Variants in SPATA31D1 observed in about 807,000 individuals in gnomAD.
The protein encoded by SPATA31D1 is spermatogenesis-associated protein 31D1.
A neutral mutation model predicts 13.2 loss-of-function variants in SPATA31D1; 6 were observed. That is an observed-to-expected ratio of 0.46 (90% confidence interval 0.25 to 0.90). The LOEUF (loss-of-function observed/expected upper bound fraction) is 0.90, where lower values mean the gene tolerates loss of function less well. Ranked by LOEUF, SPATA31D1 falls within the 40% of genes least tolerant of loss-of-function variation. The pLI, the probability that SPATA31D1 is intolerant of heterozygous loss-of-function variation, is 0.18. For missense variants in SPATA31D1, 2,445 were observed against 1,884.7 expected, an observed-to-expected ratio of 1.30 and a Z score of -5.50; for synonymous variants, 903 against 718.8, an observed-to-expected ratio of 1.26 and a Z score of -4.10.
In SPATA31D1 at chr9:81,990,997, C is replaced by A. The variant is rs186106743; in HGVS notation, c.527C>A (p.Pro176His). The A allele has an allele frequency of 2.5e-5, 40 of 1,613,780 alleles. No individual in the cohort carries two copies. Among genetic ancestry groups the A allele is most frequent in the Middle Eastern group, 1.7e-4 (1 of 6,056 alleles). The stretch of plus-strand genomic sequence containing the variant: ...TCATCGTTCACTCTGGCTTCCACCC[C>A]CTCAGCAACCCCTCCAGAAGACCTA... ...TESSFTLAST[P>H]SATPPEDLIL... The change falls in exon 4 of 4, where the codon CCC (proline) becomes CAC (histidine). Residue 176 changes from proline (P) to histidine (H), a missense_variant. Pro to His is a moderately conservative substitution (Grantham distance 77, BLOSUM62 -2). Coordinates refer to ENST00000344803, the MANE Select transcript of SPATA31D1 (RefSeq NM_001001670.3).
Position 81,993,269 on chromosome 9 carries a change from G to T in SPATA31D1, c.2799G>T (p.Ala933=). ...LESIEIFKSK[A]DLSTSFSHFD... Reference sequence around the variant, plus strand: ...CCATAGAAATCTTCAAATCGAAAGCGGACCTTTCCACTTCCTTTTCCCATT... The same window carrying T: ...CCATAGAAATCTTCAAATCGAAAGCTGACCTTTCCACTTCCTTTTCCCATT... The change falls in exon 4 of 4, where the codon GCG becomes GCT. Residue 933 remains alanine (A), a synonymous_variant. Coordinates refer to ENST00000344803, the MANE Select transcript of SPATA31D1 (RefSeq NM_001001670.3). 1 of 1,613,970 alleles carries T rather than the reference G, an allele frequency of 6.2e-7. No homozygotes were observed. The highest frequency in any genetic ancestry group is 1.3e-5 in the African/African-American group (1 of 75,046).
rs375054168 is a variant in SPATA31D1 at position 81,995,068 on chromosome 9, G to A, written c.4598G>A (p.Arg1533His). ...PVPHPNPTCRRQVSLVCPAVP... is the reference protein window; with the variant it reads ...PVPHPNPTCRHQVSLVCPAVP... ...CCACATCCAAACCCCACTTGCCGGC[G>A]TCAGGTCAGCCTGGTGTGTCCAGCC... Residue 1533 changes from arginine to histidine, a missense_variant, in exon 4 of 4, where the codon CGT becomes CAT. Arg to His is a conservative substitution (Grantham distance 29). Coordinates refer to ENST00000344803, the MANE Select transcript of SPATA31D1 (RefSeq NM_001001670.3). 2.6e-5 allele frequency: 42 copies of A among 1,613,052 alleles called. No individual in the cohort carries two copies. Among genetic ancestry groups the A allele is most frequent in the Middle Eastern group, 1.6e-4 (1 of 6,082 alleles).
Position 81,992,433 on chromosome 9 carries a change from C to G in SPATA31D1, c.1963C>G (p.Pro655Ala), listed in dbSNP as rs142037367. ...CCAGGAAGACTTTTGTCCTCCAGCTCCCAATCCTGAATTGGTCAGAAAGTC... is the reference window on the plus strand; with the variant it reads ...CCAGGAAGACTTTTGTCCTCCAGCTGCCAATCCTGAATTGGTCAGAAAGTC... ...KSQEDFCPPAPNPELVRKSFK... is the reference protein window; with the variant it reads ...KSQEDFCPPAANPELVRKSFK... The change falls in exon 4 of 4, where the codon CCC becomes GCC. Residue 655 changes from proline (P) to alanine (A), a missense_variant. Pro to Ala is a conservative substitution (Grantham distance 27). Coordinates refer to ENST00000344803, the MANE Select transcript of SPATA31D1 (RefSeq NM_001001670.3). 1 of 1,612,902 alleles carries G rather than the reference C, an allele frequency of 6.2e-7. No homozygotes were observed. Among genetic ancestry groups the G allele is most frequent in the Non-Finnish European group, 8.5e-7 (1 of 1,179,720 alleles).
Position 81,994,911 on chromosome 9 carries a change from G to C in SPATA31D1, c.4441G>C (p.Val1481Leu). The C allele has an allele frequency of 6.2e-7, 1 of 1,613,994 alleles. No homozygotes were observed. The highest frequency in any genetic ancestry group is 8.5e-7 in the Non-Finnish European group (1 of 1,179,882). The change falls in exon 4 of 4, where the codon GTT becomes CTT. Residue 1481 changes from valine (V) to leucine (L), a missense_variant. Val to Leu is a conservative substitution (Grantham distance 32, BLOSUM62 1). Transcript: ENST00000344803. The stretch of plus-strand genomic sequence containing the variant: ...ATCTTGCAGCCAACAAGCTATCTTT[G>C]TTGGCCAGAATTATCCTACAAGGAT... The part of the protein sequence containing the change: ...TKSCSQQAIF[V>L]GQNYPTRIRQ...
Position 81,992,410 on chromosome 9 carries a change from A to G in SPATA31D1, c.1940A>G (p.Gln647Arg). 1 of 1,613,574 alleles carries G rather than the reference A, an allele frequency of 6.2e-7. No homozygotes were observed. Residue 647 changes from glutamine (Q) to arginine (R), a missense_variant, in exon 4 of 4, where the codon CAG becomes CGG. By Grantham distance (43) the Gln-to-Arg change is conservative. Transcript: ENST00000344803. Reference sequence around the variant, plus strand: ...TTACCCTCTGTGGTTCAAAAATCCCAGGAAGACTTTTGTCCTCCAGCTCCC... The same window carrying G: ...TTACCCTCTGTGGTTCAAAAATCCCGGGAAGACTTTTGTCCTCCAGCTCCC... ...WGLPSVVQKS[Q>R]EDFCPPAPNP... is the part of the protein sequence containing the mutation.
chr9:81,990,800 T>C lies in SPATA31D1; in HGVS notation c.330T>C (p.Pro110=), dbSNP rs189917742. Residue 110 remains proline, a synonymous_variant, in exon 4 of 4, where the codon CCT becomes CCC. Transcript: ENST00000344803. ...TTGGACCTCCTGTTTCCTGCAGTCC[T>C]CGGGGCCAGCATCATGATACCAACC... ...KSFGPPVSCS[P]RGQHHDTNHF... The C allele has an allele frequency of 3.2e-3, 5,182 of 1,612,626 alleles. 12 individuals carry two copies. The highest frequency in any genetic ancestry group is 4.0e-3 in the Admixed American group (241 of 59,824).
Position 81,993,572 on chromosome 9 carries a change from C to T in SPATA31D1, c.3102C>T (p.Ser1034=), listed in dbSNP as rs370443024. The part of the protein sequence containing the change: ...SLRRGTTDFQ[S]EKLDSTSSFP... Reference sequence around the variant, plus strand: ...GAAGAGGTACTACAGATTTTCAAAGCGAAAAATTAGATTCAACAAGCTCAT... The same window carrying T: ...GAAGAGGTACTACAGATTTTCAAAGTGAAAAATTAGATTCAACAAGCTCAT... The change falls in exon 4 of 4, where the codon AGC becomes AGT. Residue 1034 remains serine (S), a synonymous_variant. Coordinates refer to ENST00000344803, the MANE Select transcript of SPATA31D1 (RefSeq NM_001001670.3). 2.6e-4 allele frequency: 427 copies of T among 1,613,208 alleles called. No individual in the cohort carries two copies. Among genetic ancestry groups the T allele is most frequent in the Non-Finnish European group, 3.5e-4 (409 of 1,179,782 alleles).
Position 81,992,393 on chromosome 9 carries a change from T to A in SPATA31D1, c.1923T>A (p.Ser641=). ...AGGAAAGTTTGTGGGGCTTACCCTC[T>A]GTGGTTCAAAAATCCCAGGAAGACT... is the stretch of plus-strand genomic sequence containing the variant. ...KVQESLWGLP[S]VVQKSQEDFC... is the part of the protein sequence containing the mutation. Residue 641 remains serine (S), a synonymous_variant, in exon 4 of 4, where the codon TCT becomes TCA. Transcript: ENST00000344803. The A allele has an allele frequency of 6.2e-7, 1 of 1,613,750 alleles. No individual in the cohort carries two copies. The highest frequency in any genetic ancestry group is 8.5e-7 in the Non-Finnish European group (1 of 1,179,736).
Position 81,992,590 on chromosome 9 carries a change from A to T in SPATA31D1, c.2120A>T (p.His707Leu). The T allele has an allele frequency of 6.2e-7, 1 of 1,612,530 alleles. No individual in the cohort carries two copies. The change falls in exon 4 of 4, where the codon CAT (histidine) becomes CTT (leucine). Residue 707 changes from histidine (H) to leucine (L), a missense_variant. His to Leu is a moderately conservative substitution (Grantham distance 99, BLOSUM62 -3). Coordinates refer to ENST00000344803, the MANE Select transcript of SPATA31D1 (RefSeq NM_001001670.3). ...AGATGGGGCCTGCCCCGCAGAATCC[A>T]TGAGTCTCTGTCATTGCTACGTCCT... ...QRRWGLPRRI[H>L]ESLSLLRPQS...
chr9:81,992,015 G>A lies in SPATA31D1; in HGVS notation c.1545G>A (p.Leu515=), dbSNP rs770278969. The change falls in exon 4 of 4, where the codon CTG becomes CTA. Residue 515 remains leucine, a synonymous_variant. Coordinates refer to ENST00000344803, the MANE Select transcript of SPATA31D1 (RefSeq NM_001001670.3). ...TCCCATCTTTGCACAGCGAGTCTCTGCATCCTACTGTTCTTGTCCAACGTG... is the reference window on the plus strand; with the variant it reads ...TCCCATCTTTGCACAGCGAGTCTCTACATCCTACTGTTCTTGTCCAACGTG... The part of the protein sequence containing the change: ...WGLPSLHSES[L]HPTVLVQRGH... 26 of 1,613,756 alleles carry A rather than the reference G, an allele frequency of 1.6e-5. No homozygotes were observed. The African/African-American group carries it at 3.3e-4, about 21-fold the overall frequency.
In SPATA31D1 at chr9:81,994,132, A is replaced by G; in HGVS notation, c.3662A>G (p.His1221Arg). ...VQRKHSQPQS[H>R]FTDMSFALDN... ...AGGAAGCATAGCCAACCTCAGAGCC[A>G]TTTCACTGACATGTCTTTTGCCTTA... The change falls in exon 4 of 4, where the codon CAT becomes CGT. Residue 1221 changes from histidine (H) to arginine (R), a missense_variant. Transcript: ENST00000344803. 6.2e-7 allele frequency: 1 copy of G among 1,614,000 alleles called. No homozygotes were observed. The highest frequency in any genetic ancestry group is 8.5e-7 in the Non-Finnish European group (1 of 1,179,878).
At position 81,991,322 on chromosome 9, in the gene SPATA31D1, G is replaced by A. The variant is rs747823541; in HGVS notation, c.852G>A (p.Gln284=). 1.2e-6 allele frequency: 2 copies of A among 1,614,008 alleles called. No individual in the cohort carries two copies. Among genetic ancestry groups the A allele is most frequent in the East Asian group, 2.2e-5 (1 of 44,878 alleles). Residue 284 remains glutamine, a synonymous_variant, in exon 4 of 4, where the codon CAG becomes CAA. Coordinates refer to ENST00000344803, the MANE Select transcript of SPATA31D1 (RefSeq NM_001001670.3). ...FGSTLCQDIS[Q]AMNPIDSCAR... ...CCACCCTATGCCAAGATATTTCGCA[G>A]GCCATGAATCCCATTGATTCTTGTG...
chr9:81,993,596 AT>A lies in SPATA31D1; in HGVS notation c.3128del (p.Phe1043SerfsTer22). The A allele has an allele frequency of 6.2e-7, 1 of 1,613,828 alleles. No homozygotes were observed. Among genetic ancestry groups the A allele is most frequent in the Non-Finnish European group, 8.5e-7 (1 of 1,179,732 alleles). ...QSEKLDSTSS[F>X]PILGHSYLVT... is the part of the protein sequence containing the mutation. The stretch of plus-strand genomic sequence containing the variant: ...GCGAAAAATTAGATTCAACAAGCTC[AT>A]TCCCCATCCTCGGTCATTCTTACCT... On this transcript the variant is annotated frameshift_variant, in exon 4 of 4. Transcript: ENST00000344803. LOFTEE classifies it low-confidence loss of function (END_TRUNC).
chr9:81,989,494 C>T (rs772288364), intron 1 of SPATA31D1, among the ~76,000 whole-genome samples: 25 of 152,282 alleles, frequency 1.6e-4, no homozygotes, highest in Admixed American at 9.8e-4. Flanking sequence ...TGAGGGAGCA[C>T]AGATGTGACT....
In SPATA31D1 at chr9:81,992,519, A is replaced by T. The variant is rs755591044; in HGVS notation, c.2049A>T (p.Val683=). Residue 683 remains valine (V), a synonymous_variant, in exon 4 of 4, where the codon GTA becomes GTT. Coordinates refer to ENST00000344803, the MANE Select transcript of SPATA31D1 (RefSeq NM_001001670.3). ...IPGDFPLSSE[V]RKKLEQHIRR... is the part of the protein sequence containing the mutation. ...GAGATTTTCCACTCAGCTCTGAGGT[A>T]AGGAAGAAACTAGAGCAACACATTC... is the stretch of plus-strand genomic sequence containing the variant. The T allele has an allele frequency of 6.2e-7, 1 of 1,611,848 alleles. No individual in the cohort carries two copies. The highest frequency in any genetic ancestry group is 8.5e-7 in the Non-Finnish European group (1 of 1,179,732).
At position 81,993,126 on chromosome 9, in the gene SPATA31D1, G is replaced by T. The variant is rs777325996; in HGVS notation, c.2656G>T (p.Val886Phe). Reference sequence around the variant, plus strand: ...AACATTGGTGAGTGAGGACCACTGCGTTGATACTTCCCAGGAAATTTCCTT... The same window carrying T: ...AACATTGGTGAGTGAGGACCACTGCTTTGATACTTCCCAGGAAATTTCCTT... ...LVTLVSEDHC[V>F]DTSQEISFLS... is the part of the protein sequence containing the mutation. Residue 886 changes from valine (V) to phenylalanine (F), a missense_variant, in exon 4 of 4, where the codon GTT (valine) becomes TTT (phenylalanine). Transcript: ENST00000344803. The T allele has an allele frequency of 1.4e-5, 22 of 1,613,848 alleles. No homozygotes were observed. The highest frequency in any genetic ancestry group is 1.9e-5 in the Non-Finnish European group (22 of 1,179,888).
rs192658373 is a variant in SPATA31D1 at position 81,994,025 on chromosome 9, C to A, written c.3555C>A (p.Phe1185Leu). The change falls in exon 4 of 4, where the codon TTC becomes TTA. Residue 1185 changes from phenylalanine (F) to leucine (L), a missense_variant. Phe to Leu is a conservative substitution (Grantham distance 22). Coordinates refer to ENST00000344803, the MANE Select transcript of SPATA31D1 (RefSeq NM_001001670.3). ...KASTSNETEI[F>L]PPRISVPQDP... is the part of the protein sequence containing the mutation. ...GCACTTCCAATGAAACTGAAATTTT[C>A]CCACCAAGAATATCAGTTCCTCAAG... 26 of 1,613,802 alleles carry A rather than the reference C, an allele frequency of 1.6e-5. No individual in the cohort carries two copies. In the Admixed American group the frequency reaches 3.2e-4, roughly 20 times the overall value.
Position 81,991,374 on chromosome 9 carries a change from TCTGC to T in SPATA31D1, c.905_908del (p.Ser302PhefsTer9). 6.2e-7 allele frequency: 1 copy of T among 1,614,002 alleles called. No individual in the cohort carries two copies. The highest frequency in any genetic ancestry group is 8.5e-7 in the Non-Finnish European group (1 of 1,179,876). ...TCGTCATCACGGACCACCAATCCCA[TCTGC>T]TTTACCACCGGAAGATTGCACTGTG... On this transcript the variant is annotated frameshift_variant, in exon 4 of 4. Transcript: ENST00000344803. LOFTEE classifies it low-confidence loss of function (END_TRUNC).
chr9:81,989,105 T>G, intron 1 of SPATA31D1, 101 bp downstream of exon 1: 6 of 1,484,776 alleles, frequency 4.0e-6, no homozygotes, highest in Non-Finnish European at 5.4e-6. Flanking sequence ...AGAGACATGT[T>G]TTAGATGGGA....
Sources: allele counts gnomAD v4.1 joint callset (sites outside exome capture counted in the v4.1 genomes callset), GRCh38; gene constraint gnomAD v4.1.1; transcripts MANE v1.5; gene names NCBI Gene and HGNC (gene_info 2026-07-23, HGNC 2026-07-21).